The following PRDM11 variants were observed in gnomAD, a reference collection of about 807,000 sequenced individuals.
PRDM11 encodes PR/SET domain 11, also known as PR domain-containing protein 11.
PRDM11 carries 20 observed loss-of-function variants against 97.8 expected under a neutral mutation model. That is an observed-to-expected ratio of 0.20 (90% confidence interval 0.14 to 0.30). The LOEUF is 0.30. PRDM11 is among the 10% of genes least tolerant of loss of function. The pLI, the probability that PRDM11 is intolerant of heterozygous loss-of-function variation, is 1.00. For missense variants in PRDM11, 1,139 were observed against 1,555.2 expected (o/e 0.73, Z 4.50); for synonymous variants, 599 against 637.7 (o/e 0.94, Z 0.91).
rs1565353662 is a variant in PRDM11, at chr11:45,227,853, G to A, written c.3228G>A (p.Gln1076=). ...TTCCACTCTTGAACAAGATCATCCA[G>A]GTTCTTAAAGTCCTCCCCACTTCCA... ...QRFPLLNKII[Q]VLKVLPTSTA... is the part of the protein sequence containing the mutation. Residue 1076 remains glutamine, a synonymous_variant, in exon 8 of 8, where the codon CAG becomes CAA. Transcript: ENST00000683152. This position sits in a 1 kb window ranked among gnomAD's most constrained non-coding sequence, Gnocchi z 8.0. The A allele has an allele frequency of 6.5e-7, 1 of 1,533,920 alleles. No homozygotes were observed. The highest frequency in any genetic ancestry group is 2.4e-5 in the East Asian group (1 of 40,918).
intron 1 of PRDM11, among the ~76,000 whole-genome samples, chr11:45,101,620 A>G (rs76953556): frequency 0.014 from 1,249 of 89,632 alleles, 51 homozygotes; most frequent in African/African-American, 0.027. Context: ...GCTCAGAGCT[A>G]GAGGCTGAGC....
chr11:45,176,895 G>A (rs1335519120), intron 1 of PRDM11, among the ~76,000 whole-genome samples: 1 of 152,140 alleles, frequency 6.6e-6, no homozygotes, highest in Middle Eastern at 3.2e-3. Context: ...AGAAACTGAG[G>A]GCAAGGCAGA....
intron 1 of PRDM11, among the ~76,000 whole-genome samples, chr11:45,172,383 G>A (rs765171996): frequency 3.9e-5 from 6 of 152,184 alleles, no homozygotes; most frequent in African/African-American, 1.2e-4. Context: ...TTCCAATCAC[G>A]TGTTCTTTCT....
intron 1 of PRDM11, among the ~76,000 whole-genome samples, chr11:45,159,007 T>C (rs568371228): frequency 6.6e-6 from 1 of 152,262 alleles, no homozygotes; most frequent in East Asian, 1.9e-4. Flanking sequence ...CCTAGTTCTG[T>C]GGCCTGCCCT....
chr11:45,165,421 C>T (rs963624508), intron 1 of PRDM11, among the ~76,000 whole-genome samples: 1 of 152,188 alleles, frequency 6.6e-6, no homozygotes, highest in Non-Finnish European at 1.5e-5. Context: ...CTGGTGAGTC[C>T]CCAGCCCAGC....
chr11:45,195,763 G>T (rs1049365064), intron 4 of PRDM11, among the ~76,000 whole-genome samples: 3 of 151,802 alleles, frequency 2.0e-5, no homozygotes, highest in African/African-American at 7.3e-5. Flanking sequence ...CTTTAGTAGA[G>T]ATGAGGTTTT....
At chr11:45,162,683 A>C (rs964526535) in intron 1 of PRDM11, among the ~76,000 whole-genome samples, 1 of 152,178 alleles carries the variant, frequency 6.6e-6, no homozygotes, top group Non-Finnish European at 1.5e-5. Context: ...TGGCTTCCCA[A>C]GATCATATTG....
chr11:45,209,969 G>A (rs978178400), intron 5 of PRDM11, among the ~76,000 whole-genome samples: 1 of 152,144 alleles, frequency 6.6e-6, no homozygotes. Flanking sequence ...AGGCGCGCAG[G>A]CAGAGAACAG....
chr11:45,217,735 T>C (rs1443236127), intron 5 of PRDM11, among the ~76,000 whole-genome samples: 1 of 152,210 alleles, frequency 6.6e-6, no homozygotes, highest in Admixed American at 6.5e-5. Context: ...GCTGGTGCCA[T>C]CCCTGGGACC....
intron 1 of PRDM11, among the ~76,000 whole-genome samples, chr11:45,109,779 G>T (rs1302236405): frequency 6.6e-6 from 1 of 152,136 alleles, no homozygotes; most frequent in Non-Finnish European, 1.5e-5. Context: ...GTAGCAAAAA[G>T]GTAGAAAGAT....
intron 1 of PRDM11, among the ~76,000 whole-genome samples, chr11:45,180,264 T>A (rs998194146): frequency 1.3e-5 from 2 of 152,150 alleles, no homozygotes; most frequent in Non-Finnish European, 2.9e-5. Context: ...GTCCCTGGCA[T>A]AACGCAGCCA....
intron 1 of PRDM11, among the ~76,000 whole-genome samples, chr11:45,157,419 G>T (rs1187208929): frequency 2.0e-5 from 3 of 152,152 alleles, no homozygotes; most frequent in Non-Finnish European, 4.4e-5. Context: ...ACAGGAGGCA[G>T]AGCTCAGGCG....
intron 1 of PRDM11, among the ~76,000 whole-genome samples, chr11:45,172,035 A>C (rs1852214473): frequency 6.6e-6 from 1 of 152,222 alleles, no homozygotes; most frequent in Non-Finnish European, 1.5e-5. Flanking sequence ...TGTACCTCTG[A>C]CCAACATAAA....
intron 1 of PRDM11, among the ~76,000 whole-genome samples, chr11:45,135,127 T>TAC (rs1361364531): frequency 7.2e-6 from 1 of 138,024 alleles, no homozygotes; most frequent in East Asian, 1.9e-4. Context: ...ATTTTAATTA[T>TAC]ACTCTCTCTC....
chr11:45,144,862 C>T (rs896711800), upstream of PRDM11, among the ~76,000 whole-genome samples: 2 of 152,214 alleles, frequency 1.3e-5, no homozygotes, highest in Non-Finnish European at 2.9e-5. Context: ...CAAAACCATG[C>T]TCAGTGCAAC....
chr11:45,113,815 TGTG>T (rs1852239443), intron 1 of PRDM11, among the ~76,000 whole-genome samples: 1 of 138,020 alleles, frequency 7.2e-6, no homozygotes, highest in South Asian at 2.3e-4. Context: ...TGTGTGTGTG[TGTG>T]TGTGTGTTTT....
At chr11:45,118,280 C>CTTTTTTTTT (rs1289205770) in intron 1 of PRDM11, among the ~76,000 whole-genome samples, 7 of 152,252 alleles carry the variant, frequency 4.6e-5, no homozygotes, top group Admixed American at 4.6e-4. Context: ...GAACTATGGA[C>CTTTTTTTTT]TTTAGTTAAT....
chr11:45,197,487 A>C (rs1853166426), intron 4 of PRDM11, among the ~76,000 whole-genome samples: 1 of 152,036 alleles, frequency 6.6e-6, no homozygotes, highest in African/African-American at 2.4e-5. Context: ...GGTAGATCTT[A>C]TGTTAAGTAT....
chr11:45,150,218 A>G (rs1271214213), intron 1 of PRDM11, among the ~76,000 whole-genome samples: 1 of 151,746 alleles, frequency 6.6e-6, no homozygotes, highest in Non-Finnish European at 1.5e-5. Flanking sequence ...TTCCTCCTCC[A>G]TCTTCACATC....
Sources: allele counts gnomAD v4.1 joint callset (sites outside exome capture counted in the v4.1 genomes callset), GRCh38; gene constraint gnomAD v4.1.1; non-coding constraint Gnocchi (gnomAD v3.1); transcripts MANE v1.5; gene names NCBI Gene and HGNC (gene_info 2026-07-23, HGNC 2026-07-21).